PKP4: variants seen among roughly 807,000 people sequenced by gnomAD.
The protein encoded by PKP4 is plakophilin-4.
Under a neutral mutation model 145.1 loss-of-function variants are expected in PKP4, and 90 were observed. The ratio of observed to expected loss-of-function variants is 0.62; its 90% confidence interval spans 0.52 to 0.74. PKP4 has a LOEUF of 0.74. Among genes scored for constraint, PKP4 ranks in the 30% least tolerant of loss-of-function variants. The pLI is 0.00. For synonymous variants in PKP4, 563 were observed against 577.2 expected, an observed-to-expected ratio of 0.98 and a Z score of 0.35; for missense variants, 1,340 against 1,482.7, an observed-to-expected ratio of 0.90 and a Z score of 1.58.
chr2:158,616,709 G>A (rs1280256239), intron 4 of PKP4, among the ~76,000 whole-genome samples: 1 of 152,134 alleles, frequency 6.6e-6, no homozygotes, highest in African/African-American at 2.4e-5. Context: ...CCTGTCATGA[G>A]GTTCCAGTGT....
chr2:158,546,548 A>G (rs1183609706), intron 2 of PKP4, among the ~76,000 whole-genome samples: 1 of 152,234 alleles, frequency 6.6e-6, no homozygotes, highest in Non-Finnish European at 1.5e-5. Flanking sequence ...AAGTAGCACC[A>G]TAGGGCATGA....
At chr2:158,500,184 C>G (rs1339609953) in intron 1 of PKP4, among the ~76,000 whole-genome samples, 3 of 152,138 alleles carry the variant, frequency 2.0e-5, no homozygotes, top group Non-Finnish European at 2.9e-5. Flanking sequence ...TTCTCTTTCT[C>G]CTGCAAGAAG....
At chr2:158,462,692 A>C (rs1311745961) in intron 1 of PKP4, among the ~76,000 whole-genome samples, 1 of 152,092 alleles carries the variant, frequency 6.6e-6, no homozygotes, top group Non-Finnish European at 1.5e-5. Flanking sequence ...AAGTGTCATT[A>C]AGGTAGTGAG....
At chr2:158,654,086 T>G (rs1468492617) in intron 11 of PKP4, among the ~76,000 whole-genome samples, 1 of 152,262 alleles carries the variant, frequency 6.6e-6, no homozygotes, top group African/African-American at 2.4e-5. Context: ...CATTATTTAT[T>G]GACTAGAGCT....
intron 1 of PKP4, among the ~76,000 whole-genome samples, chr2:158,479,363 A>G (rs1217193510): frequency 2.6e-5 from 4 of 152,020 alleles, no homozygotes; most frequent in Non-Finnish European, 4.4e-5. Context: ...AGCTGGAACA[A>G]CAGGCATATG....
At chr2:158,541,226 G>T (rs1478681959) in intron 2 of PKP4, among the ~76,000 whole-genome samples, 1 of 152,030 alleles carries the variant, frequency 6.6e-6, no homozygotes, top group Non-Finnish European at 1.5e-5. Flanking sequence ...ATGTTTAAGG[G>T]CTCCCAATTT....
chr2:158,539,428 A>G (rs1413587761), intron 2 of PKP4, among the ~76,000 whole-genome samples: 3 of 152,152 alleles, frequency 2.0e-5, no homozygotes, highest in African/African-American at 7.2e-5. Flanking sequence ...TTTGGCCCCT[A>G]TGCTTATTTT....
Position 158,678,566 on chromosome 2 carries a change from A to AAT in PKP4, c.3257-12_3257-11dup, listed in dbSNP as rs2058214526. 6.3e-7 allele frequency: 1 copy of AAT among 1,588,652 alleles called. No homozygotes were observed. The highest frequency in any genetic ancestry group is 1.7e-5 in the Admixed American group (1 of 59,972). ...ATAAGCACTAGTTTTAATTTCATAA[A>AAT]ATATTTTCTTACAGGCTCCAGCAAA... is the stretch of plus-strand genomic sequence containing the variant. On this transcript the variant is annotated splice_polypyrimidine_tract_variant and intron_variant, in intron 20 of 21. Coordinates refer to ENST00000389759, the MANE Select transcript of PKP4 (RefSeq NM_003628.6).
Position 158,621,136 on chromosome 2 carries a change from C to A in PKP4, c.412+15C>A. 1 of 1,614,038 alleles carries A rather than the reference C, an allele frequency of 6.2e-7. No homozygotes were observed. Among genetic ancestry groups the A allele is most frequent in the Non-Finnish European group, 8.5e-7 (1 of 1,179,936 alleles). ...TGAAAGTGAGGGTCTGTTGTGTTAT[C>A]TTTTAAGTACTGGATTTGCTTTTAA... is the stretch of plus-strand genomic sequence containing the variant. On this transcript the variant is annotated intron_variant, in intron 5 of 21. Transcript: ENST00000389759.
Position 158,630,015 on chromosome 2 carries a change from C to T in PKP4, c.1154-1738C>T, listed in dbSNP as rs190833531. The stretch of plus-strand genomic sequence containing the variant: ...CCAAAGTGCTGGAATTACAGGCATG[C>T]GCCACCGTGCCTGGCCAATCTTACC... On this transcript the variant is annotated intron_variant, in intron 7 of 21. Transcript: ENST00000389759. 4.8e-3 allele frequency among the ~76,000 whole-genome samples: 735 copies of T among 152,236 alleles called. 2 individuals are homozygous for T. Among genetic ancestry groups the T allele is most frequent in the African/African-American group, 0.016 (671 of 41,530 alleles).
In PKP4 at chr2:158,536,443, T is replaced by C. The variant is rs531170602; in HGVS notation, c.132+3127T>C. On this transcript the variant is annotated intron_variant, in intron 2 of 21. Transcript: ENST00000389759. ...GAGAGGAAAAGTCTGGGTTCTTCAG[T>C]AGAGTATATCTAAGCCAGTAAAATA... Among the ~76,000 whole-genome samples, 7 of 152,310 alleles carry C rather than the reference T, an allele frequency of 4.6e-5. No homozygotes were observed. The East Asian group carries it at 1.2e-3, about 25-fold the overall frequency.
At chr2:158,472,301 T>TAAAATC (rs3047995) in intron 1 of PKP4, among the ~76,000 whole-genome samples, 137,757 of 151,764 alleles carry the variant, frequency 0.91, 62,611 homozygotes, top group East Asian at 0.98. Flanking sequence ...CTAAAAAATT[T>TAAAATC]AAAATGAATT....
Position 158,523,308 on chromosome 2 carries a change from A to T in PKP4, c.-5-9872A>T, listed in dbSNP as rs576483910. Reference sequence around the variant, plus strand: ...TGAGAACGGGCAGACTACCTCCTCAAGTGGGTCCCTGACCCCTGACCCCCG... The same window carrying T: ...TGAGAACGGGCAGACTACCTCCTCATGTGGGTCCCTGACCCCTGACCCCCG... On this transcript the variant is annotated intron_variant, in intron 1 of 21. Coordinates refer to ENST00000389759, the MANE Select transcript of PKP4 (RefSeq NM_003628.6). 4.8e-3 allele frequency among the ~76,000 whole-genome samples: 643 copies of T among 134,990 alleles called. 3 individuals carry two copies. The highest frequency in any genetic ancestry group is 0.017 in the African/African-American group (589 of 35,000). The allele number at this position is 134,990 out of a possible 152,430, so 88.6% of individuals were successfully genotyped here. A position where few individuals can be genotyped will look rare whatever the true frequency, so the allele number is the denominator to read the frequency against.
chr2:158,544,389 T>C (rs2044788453), intron 2 of PKP4, among the ~76,000 whole-genome samples: 1 of 152,188 alleles, frequency 6.6e-6, no homozygotes, highest in Admixed American at 6.5e-5. Flanking sequence ...AATACACTTA[T>C]TTCCTTTTGG....
In PKP4 at chr2:158,621,232, ATCATTGGGTAACTCAAGAAGT is replaced by A. The variant is rs2052204941; in HGVS notation, c.418_438del (p.Leu140_Ser146del). On this transcript the variant is annotated inframe_deletion and splice_region_variant, in exon 6 of 22. Coordinates refer to ENST00000389759, the MANE Select transcript of PKP4 (RefSeq NM_003628.6). Reference sequence around the variant, plus strand: ...TATTTCTTGGTTTCATTCTTACAGGATCATTGGGTAACTCAAGAAGTTCAACACAAATGAATTCTTATTCCG... The same window carrying A: ...TATTTCTTGGTTTCATTCTTACAGGATCAACACAAATGAATTCTTATTCCG... 1.2e-6 allele frequency: 2 copies of A among 1,614,096 alleles called. No individual in the cohort carries two copies. Among genetic ancestry groups the A allele is most frequent in the Non-Finnish European group, 1.7e-6 (2 of 1,179,950 alleles).
In PKP4 at chr2:158,533,329, A is replaced by G. The variant is rs769690138; in HGVS notation, c.132+13A>G. 3.7e-6 allele frequency: 6 copies of G among 1,613,874 alleles called. No individual in the cohort carries two copies. The South Asian group carries it at 6.6e-5, about 18-fold the overall frequency. On this transcript the variant is annotated intron_variant, in intron 2 of 21. Transcript: ENST00000389759. The stretch of plus-strand genomic sequence containing the variant: ...CGTGAAGGAGCAGGTACATCCTCGT[A>G]TTGAAAGTTGCAGTGAATTATTTCT...
At chr2:158,660,461 TGGGGTCCCA>T (rs2056458098) in intron 12 of PKP4, 1 of 152,604 alleles carries the variant, frequency 6.6e-6, no homozygotes, top group African/African-American at 2.4e-5. Context: ...AGAAGCCAGG[TGGGGTCCCA>T]GAAGCTGTGG....
chr2:158,459,802 CACACACACACG>C (rs1221562152), intron 1 of PKP4, among the ~76,000 whole-genome samples: 1 of 151,850 alleles, frequency 6.6e-6, no homozygotes, highest in Non-Finnish European at 1.5e-5. Flanking sequence ...CACACACACA[CACACACACACG>C]ACACACACAC....
intron 3 of PKP4, among the ~76,000 whole-genome samples, chr2:158,589,991 G>T (rs2049117325): frequency 6.6e-6 from 1 of 152,166 alleles, no homozygotes; most frequent in Non-Finnish European, 1.5e-5. Context: ...GCCTAGGGAT[G>T]GGGGTGGGGG....
Sources: allele counts gnomAD v4.1 joint callset (sites outside exome capture counted in the v4.1 genomes callset), GRCh38; gene constraint gnomAD v4.1.1; transcripts MANE v1.5; gene names NCBI Gene and HGNC (gene_info 2026-07-23, HGNC 2026-07-21).